Variants in C2orf42 observed in about 807,000 individuals in gnomAD.
C2orf42 encodes the protein chromosome 2 open reading frame 42, also known as uncharacterized protein C2orf42.
Under a neutral mutation model 58.9 loss-of-function variants are expected in C2orf42, and 44 were observed. That is an observed-to-expected ratio of 0.75 (90% confidence interval 0.59 to 0.96). The LOEUF is 0.96. Ranked by LOEUF, C2orf42 falls within the 40% of genes least tolerant of loss-of-function variation. C2orf42 has a pLI of 0.00. For missense variants in C2orf42, 630 were observed against 699.2 expected (o/e 0.90, Z 1.12); for synonymous variants, 239 against 265.4 (o/e 0.90, Z 0.97).
chr2:70,157,217 G>A (rs898044341), intron 9 of C2orf42, among the ~76,000 whole-genome samples: 5 of 152,072 alleles, frequency 3.3e-5, no homozygotes, highest in Admixed American at 6.6e-5. Context: ...CACTTTGGGC[G>A]GCCGAGGTGG....
chr2:70,189,609 A>T (rs1176240404), intron 1 of C2orf42, among the ~76,000 whole-genome samples: 1 of 148,292 alleles, frequency 6.7e-6, no homozygotes, highest in Admixed American at 6.8e-5. Context: ...CCCAGCTACT[A>T]GGGAGGCTGA....
At chr2:70,176,310 C>T (rs1674187539) in intron 4 of C2orf42, among the ~76,000 whole-genome samples, 1 of 152,228 alleles carries the variant, frequency 6.6e-6, no homozygotes, top group East Asian at 1.9e-4. Flanking sequence ...TGAGACCATC[C>T]TGGCTAACAT....
chr2:70,156,675 C>G (rs1327572575), intron 9 of C2orf42, among the ~76,000 whole-genome samples: 1 of 151,940 alleles, frequency 6.6e-6, no homozygotes, highest in Non-Finnish European at 1.5e-5. Context: ...GCGTGGGCAA[C>G]AGAGTAAGAC....
chr2:70,178,563 G>A (rs551599196), intron 4 of C2orf42, among the ~76,000 whole-genome samples: 177 of 152,130 alleles, frequency 1.2e-3, no homozygotes, highest in African/African-American at 4.0e-3. Context: ...GCCGAAGATC[G>A]CATCAGTGTA....
intron 9 of C2orf42, among the ~76,000 whole-genome samples, chr2:70,157,278 C>G (rs553398064): frequency 1.3e-5 from 2 of 151,174 alleles, no homozygotes; most frequent in African/African-American, 4.9e-5. Context: ...CATGGTGAAA[C>G]CCCGTCTCTA....
At chr2:70,178,865 C>T (rs780438397) in intron 4 of C2orf42, among the ~76,000 whole-genome samples, 19 of 145,838 alleles carry the variant, frequency 1.3e-4, no homozygotes, top group Non-Finnish European at 2.4e-4. Context: ...GCAGAGGTTG[C>T]AGTGAGCTGA....
At chr2:70,162,812 A>G (rs1211899450) in intron 8 of C2orf42, among the ~76,000 whole-genome samples, 1 of 151,750 alleles carries the variant, frequency 6.6e-6, no homozygotes, top group African/African-American at 2.4e-5. Context: ...TTTTTCCTGA[A>G]CAGAAGAATG....
chr2:70,179,507 C>T, intron 4 of C2orf42, 25 bp downstream of exon 4: 1 of 968,048 alleles, frequency 1.0e-6, no homozygotes. Flanking sequence ...GACAATACCA[C>T]CAAACCAACC....
intron 3 of C2orf42, among the ~76,000 whole-genome samples, 163 bp downstream of exon 3, chr2:70,181,000 C>CA (rs58297085): frequency 8.4e-4 from 51 of 60,390 alleles, no homozygotes; most frequent in Non-Finnish European, 1.2e-3. Flanking sequence ...GACCTTGTCT[C>CA]AAAAAAAAAA....
intron 8 of C2orf42, among the ~76,000 whole-genome samples, chr2:70,162,565 AC>A (rs1408196786): frequency 1.3e-5 from 2 of 151,176 alleles, no homozygotes; most frequent in Non-Finnish European, 2.9e-5. Flanking sequence ...AATTGCTTGA[AC>A]CTGGGAGGCA....
intron 8 of C2orf42, among the ~76,000 whole-genome samples, chr2:70,161,041 T>C (rs1673024020): frequency 1.3e-5 from 2 of 152,176 alleles, no homozygotes; most frequent in South Asian, 4.1e-4. Flanking sequence ...ATTGAGCCTC[T>C]AACATCTTCA....
rs746325252 is a variant in C2orf42, at chr2:70,150,461, C to T, written c.1620G>A (p.Glu540=). ...CATGCCCATTCCGGTGGTGGCCATA[C>T]TCAAACTTGATCCGCAGCTCGCCAA... is the stretch of plus-strand genomic sequence containing the variant. ...SKIGELRIKF[E]YGHHRNGHVA... Residue 540 remains glutamate (E), a synonymous_variant, in exon 10 of 10, where the codon GAG becomes GAA. Transcript: ENST00000264434. The T allele has an allele frequency of 6.8e-6, 11 of 1,613,976 alleles. No homozygotes were observed. Among genetic ancestry groups the T allele is most frequent in the African/African-American group, 2.7e-5 (2 of 74,894 alleles).
chr2:70,159,840 T>C (rs1382372899), intron 9 of C2orf42, among the ~76,000 whole-genome samples: 1 of 152,072 alleles, frequency 6.6e-6, no homozygotes, highest in Non-Finnish European at 1.5e-5. Flanking sequence ...CCAGCTTTCA[T>C]TTACTATTAT....
At chr2:70,150,900 C>T (rs190906619) in intron 9 of C2orf42, among the ~76,000 whole-genome samples, 1 of 152,274 alleles carries the variant, frequency 6.6e-6, no homozygotes, top group African/African-American at 2.4e-5. Context: ...CACGTGCCAC[C>T]ACACCTGGCT....
chr2:70,152,493 A>G (rs1193234604), intron 9 of C2orf42, among the ~76,000 whole-genome samples: 1 of 152,228 alleles, frequency 6.6e-6, no homozygotes, highest in African/African-American at 2.4e-5. Context: ...ATGGATGGAA[A>G]GAAACCTACC....
chr2:70,185,126 C>T (rs1022062557), intron 1 of C2orf42, among the ~76,000 whole-genome samples: 2 of 151,738 alleles, frequency 1.3e-5, no homozygotes, highest in Admixed American at 1.3e-4. Flanking sequence ...TTAGGCTGGG[C>T]GCAGTGGCTC....
At chr2:70,163,313 C>T (rs1049059953) in intron 8 of C2orf42, among the ~76,000 whole-genome samples, 4 of 151,766 alleles carry the variant, frequency 2.6e-5, no homozygotes, top group Non-Finnish European at 4.4e-5. Context: ...GGTGCGATCT[C>T]GGCTCACTGC....
At chr2:70,159,708 T>C (rs573588699) in intron 9 of C2orf42, among the ~76,000 whole-genome samples, 1 of 152,298 alleles carries the variant, frequency 6.6e-6, no homozygotes, top group East Asian at 1.9e-4. Flanking sequence ...TTTTAATTTT[T>C]CTTCTTTTAG....
In C2orf42 at chr2:70,181,888, G is replaced by C. The variant is rs1385053251; in HGVS notation, c.98C>G (p.Thr33Arg). 1 of 1,613,722 alleles carries C rather than the reference G, an allele frequency of 6.2e-7. No individual in the cohort carries two copies. The highest frequency in any genetic ancestry group is 8.5e-7 in the Non-Finnish European group (1 of 1,179,694). ...RGIRKCPRCG[T>R]YNGTRGLSCK... The stretch of plus-strand genomic sequence containing the variant: ...GCTCAGTCCCCGGGTTCCATTGTAT[G>C]TGCCACATCGGGGACACTTTCTGAT... Residue 33 changes from threonine to arginine, a missense_variant, in exon 3 of 10, where the codon ACA becomes AGA. Transcript: ENST00000264434.
Sources: allele counts gnomAD v4.1 joint callset (sites outside exome capture counted in the v4.1 genomes callset), GRCh38; gene constraint gnomAD v4.1.1; transcripts MANE v1.5; gene names NCBI Gene and HGNC (gene_info 2026-07-23, HGNC 2026-07-21).